The following EHF variants were observed in gnomAD, a reference collection of about 807,000 sequenced individuals.
EHF encodes ETS homologous factor.
A neutral mutation model predicts 45.1 loss-of-function variants in EHF; 14 were observed. The observed-to-expected ratio is 0.31, with a 90% CI of 0.21 to 0.49. The LOEUF (loss-of-function observed/expected upper bound fraction) is 0.49, where lower values mean the gene tolerates loss of function less well. Ranked by LOEUF, EHF falls within the 20% of genes least tolerant of loss-of-function variation. The pLI is 0.99. For missense variants in EHF, 282 were observed against 371.4 expected, an observed-to-expected ratio of 0.76 and a Z score of 1.98; for synonymous variants, 136 against 131.8, an observed-to-expected ratio of 1.03 and a Z score of -0.22.
At chr11:34,622,407 A>T (rs941170116) in intron 1 of EHF, 1 of 1,286,326 alleles carries the variant, frequency 7.8e-7, no homozygotes, top group Non-Finnish European at 1.0e-6. Context: ...TTGGTTCTGC[A>T]GCCATGGAGG....
chr11:34,636,396 G>A (rs753807693), intron 1 of EHF, among the ~76,000 whole-genome samples: 2 of 152,188 alleles, frequency 1.3e-5, no homozygotes, highest in Non-Finnish European at 2.9e-5. Flanking sequence ...TCCCAACCAT[G>A]ATCCTGCTTC....
At position 34,658,895 on chromosome 11, in the gene EHF, G is replaced by T; in HGVS notation, c.867G>T (p.Gly289=). The stretch of plus-strand genomic sequence containing the variant: ...GACGAAGACTGGTATATAAATTTGG[G>T]AAGAATGCCCGAGGATGGAGAGAAA... The part of the protein sequence containing the change: ...VDGRRLVYKF[G]KNARGWRENE... The change falls in exon 9 of 9, where the codon GGG becomes GGT. Residue 289 remains glycine, a synonymous_variant. Coordinates refer to ENST00000257831, the MANE Select transcript of EHF (RefSeq NM_012153.6). 6.2e-7 allele frequency: 1 copy of T among 1,613,358 alleles called. No individual in the cohort carries two copies. The highest frequency in any genetic ancestry group is 8.5e-7 in the Non-Finnish European group (1 of 1,179,660).
At chr11:34,655,546 C>A (rs1855584371) in intron 6 of EHF, among the ~76,000 whole-genome samples, 2 of 152,256 alleles carry the variant, frequency 1.3e-5, no homozygotes, top group South Asian at 4.1e-4. Flanking sequence ...TGTTCATATC[C>A]TGGCTCCACA....
intron 1 of EHF, among the ~76,000 whole-genome samples, chr11:34,630,592 A>G (rs904575480): frequency 2.6e-5 from 4 of 151,960 alleles, no homozygotes; most frequent in Non-Finnish European, 4.4e-5. Context: ...GGTCAAATCC[A>G]TTGTCCTAGT....
At chr11:34,643,935 C>T (rs1259869594) in intron 2 of EHF, among the ~76,000 whole-genome samples, 1 of 152,136 alleles carries the variant, frequency 6.6e-6, no homozygotes, top group Non-Finnish European at 1.5e-5. Flanking sequence ...ATTCCAGAGA[C>T]CTCAAAGAAA....
chr11:34,651,720 T>A lies in EHF; in HGVS notation c.476-17T>A. ...GAGGGGGTGCTCTAAATGTCCTTTA[T>A]CTTTTCATGGCCACAGATTTGTTGG... On this transcript the variant is annotated splice_polypyrimidine_tract_variant and intron_variant, in intron 5 of 8. Coordinates refer to ENST00000257831, the MANE Select transcript of EHF (RefSeq NM_012153.6). 1.2e-6 allele frequency: 2 copies of A among 1,613,966 alleles called. No homozygotes were observed. Among genetic ancestry groups the A allele is most frequent in the Non-Finnish European group, 1.7e-6 (2 of 1,179,878 alleles).
chr11:34,642,532 C>G (rs1854110898), intron 1 of EHF, 96 bp from the exon 2 acceptor site: 1 of 794,146 alleles, frequency 1.3e-6, no homozygotes, highest in Admixed American at 2.0e-5. Context: ...GACAAATTCT[C>G]TTTATTTTCT....
chr11:34,635,701 CTTTT>C (rs11381442), intron 1 of EHF, among the ~76,000 whole-genome samples: 7 of 124,148 alleles, frequency 5.6e-5, no homozygotes, highest in Non-Finnish European at 4.9e-5. Flanking sequence ...TCTTCCTGGT[CTTTT>C]TTTTTTTTTT....
At chr11:34,646,957 C>T (rs907662315) in intron 3 of EHF, 7 of 500,300 alleles carry the variant, frequency 1.4e-5, no homozygotes, top group Non-Finnish European at 2.1e-5. Flanking sequence ...GCTAGGAATT[C>T]GTAGAATACT....
chr11:34,644,093 C>T (rs1396438625), intron 2 of EHF, among the ~76,000 whole-genome samples: 1 of 152,190 alleles, frequency 6.6e-6, no homozygotes, highest in East Asian at 1.9e-4. Flanking sequence ...CAGTCAGCTT[C>T]AGACAAAAAT....
intron 1 of EHF, among the ~76,000 whole-genome samples, chr11:34,631,824 T>C (rs1003381707): frequency 1.2e-4 from 18 of 152,190 alleles, no homozygotes; most frequent in African/African-American, 4.1e-4. Context: ...TATTGACTTT[T>C]GGAAGTCAAC....
intron 2 of EHF, among the ~76,000 whole-genome samples, chr11:34,644,243 A>T (rs1300741216): frequency 6.6e-6 from 1 of 152,214 alleles, no homozygotes; most frequent in Non-Finnish European, 1.5e-5. Context: ...TCAAAACCAG[A>T]GCTGTACTGT....
At chr11:34,640,548 C>G (rs750747012) in intron 1 of EHF, among the ~76,000 whole-genome samples, 3 of 152,204 alleles carry the variant, frequency 2.0e-5, no homozygotes, top group Non-Finnish European at 4.4e-5. Flanking sequence ...CCTGGGCCCC[C>G]CTCCTTCCAC....
At position 34,662,201 on chromosome 11, in the gene EHF, A is replaced by G. The variant is rs897378668; in HGVS notation, c.*3270A>G. Among the ~76,000 whole-genome samples, 9 of 152,178 alleles carry G rather than the reference A, an allele frequency of 5.9e-5. No individual in the cohort carries two copies. Among genetic ancestry groups the G allele is most frequent in the Admixed American group, 1.3e-4 (2 of 15,256 alleles). On this transcript the variant is annotated 3_prime_UTR_variant, in exon 9 of 9. Transcript: ENST00000257831. ...TTCAATGAATGAATGAATGTCTTCT[A>G]AAAGACTCCTCTGATTGGGAGACCA...
At position 34,658,862 on chromosome 11, in the gene EHF, T is replaced by C. The variant is rs1855902577; in HGVS notation, c.834T>C (p.Arg278=). Residue 278 remains arginine (R), a synonymous_variant, in exon 9 of 9, where the codon CGT becomes CGC. Coordinates refer to ENST00000257831, the MANE Select transcript of EHF (RefSeq NM_012153.6). ...ACTACAAAAGAGAAATTCTGGAGCG[T>C]GTGGATGGACGAAGACTGGTATATA... The part of the protein sequence containing the change: ...RYYYKREILE[R]VDGRRLVYKF... 1 of 1,612,982 alleles carries C rather than the reference T, an allele frequency of 6.2e-7. No homozygotes were observed. The highest frequency in any genetic ancestry group is 2.2e-5 in the East Asian group (1 of 44,840).
chr11:34,629,156 T>A (rs7481024), intron 1 of EHF, among the ~76,000 whole-genome samples: 1,725 of 152,230 alleles, frequency 0.011, 19 homozygotes, highest in Non-Finnish European at 0.019. Flanking sequence ...GATGTCGTTT[T>A]TGAGTTAGTG....
chr11:34,649,128 C>A (rs181535835), intron 4 of EHF, 47 bp downstream of exon 4: 1 of 1,599,036 alleles, frequency 6.3e-7, no homozygotes, highest in African/African-American at 1.3e-5. Context: ...GGCAAAGCTC[C>A]GGGGAGGACA....
chr11:34,632,686 C>T (rs915928621), intron 1 of EHF: 89 of 1,534,374 alleles, frequency 5.8e-5, no homozygotes, highest in Middle Eastern at 3.5e-4. Flanking sequence ...GAGGGTTGCC[C>T]GGCTCTCTCT....
rs573435824 is a variant in EHF, at chr11:34,639,828, C to T, written c.-3-2800C>T. On this transcript the variant is annotated intron_variant, in intron 1 of 8. Coordinates refer to ENST00000257831, the MANE Select transcript of EHF (RefSeq NM_012153.6). The stretch of plus-strand genomic sequence containing the variant: ...GGGAGCAGGGCTATGCACAGGCCAT[C>T]TTTTTGCAGGAGGATGGTGATGGGG... 1.7e-3 allele frequency among the ~76,000 whole-genome samples: 266 copies of T among 152,282 alleles called. 2 individuals are homozygous for T. The highest frequency in any genetic ancestry group is 6.2e-3 in the African/African-American group (257 of 41,562).
Sources: allele counts gnomAD v4.1 joint callset (sites outside exome capture counted in the v4.1 genomes callset), GRCh38; gene constraint gnomAD v4.1.1; transcripts MANE v1.5; gene names NCBI Gene and HGNC (gene_info 2026-07-23, HGNC 2026-07-21).